The following MALSU1 variants were observed in gnomAD, a reference collection of about 807,000 sequenced individuals.
MALSU1 encodes mitochondrial assembly of ribosomal large subunit protein 1.
Under a neutral mutation model 22.1 loss-of-function variants are expected in MALSU1, and 22 were observed. That is an observed-to-expected ratio of 1.00 (90% confidence interval 0.71 to 1.42). The LOEUF is 1.42. Ranked by LOEUF, MALSU1 falls within the 40% of genes most tolerant of loss-of-function variation. The pLI is 0.00. For synonymous variants in MALSU1, 153 were observed against 118.5 expected, an observed-to-expected ratio of 1.29 and a Z score of -1.89; for missense variants, 379 against 308.3, an observed-to-expected ratio of 1.23 and a Z score of -1.72.
chr7:23,303,705 A>G (rs1220269162), intron 2 of MALSU1, among the ~76,000 whole-genome samples: 1 of 151,302 alleles, frequency 6.6e-6, no homozygotes, highest in Non-Finnish European at 1.5e-5. Flanking sequence ...AGCTACTTGG[A>G]ATGCTGAGGT....
chr7:23,307,520 C>T (rs1783737137), intron 2 of MALSU1, among the ~76,000 whole-genome samples: 1 of 152,082 alleles, frequency 6.6e-6, no homozygotes, highest in Non-Finnish European at 1.5e-5. Context: ...GTATCTGCAG[C>T]CCCTAAAGGT....
Position 23,300,890 on chromosome 7 carries a change from A to T in MALSU1, c.308A>T (p.Gln103Leu), listed in dbSNP as rs752663860. 1.9e-6 allele frequency: 3 copies of T among 1,614,124 alleles called. No homozygotes were observed. Among genetic ancestry groups the T allele is most frequent in the Admixed American group, 3.3e-5 (2 of 60,022 alleles). Residue 103 changes from glutamine (Q) to leucine (L), a missense_variant, in exon 2 of 4, where the codon CAA becomes CTA. Transcript: ENST00000466681. ...DIDMMVSLLR[Q>L]ENARDICVIQ... is the part of the protein sequence containing the mutation. ...GATATGATGGTTTCACTTCTGAGGC[A>T]AGAAAATGCAAGAGACATTTGTGTG... is the stretch of plus-strand genomic sequence containing the variant.
At chr7:23,309,321 A>C (rs368751023) in intron 3 of MALSU1, 35 bp from the exon 4 acceptor site, 1 of 1,559,246 alleles carries the variant, frequency 6.4e-7, no homozygotes, top group East Asian at 2.3e-5. Context: ...CAAATGAACT[A>C]TTCCTTCATT....
At chr7:23,306,176 A>G (rs1260897303) in intron 2 of MALSU1, among the ~76,000 whole-genome samples, 2 of 152,196 alleles carry the variant, frequency 1.3e-5, no homozygotes, top group African/African-American at 4.8e-5. Flanking sequence ...CCTGGGCAAC[A>G]AGAGCGAAAC....
intron 2 of MALSU1, among the ~76,000 whole-genome samples, chr7:23,303,162 C>T (rs1583859006): frequency 6.6e-6 from 1 of 152,144 alleles, no homozygotes; most frequent in Non-Finnish European, 1.5e-5. Flanking sequence ...TTTCATTTTG[C>T]AAAAACGAAA....
chr7:23,301,047 A>G (rs1783638494), intron 2 of MALSU1, 30 bp downstream of exon 2: 6 of 1,585,674 alleles, frequency 3.8e-6, no homozygotes, highest in Non-Finnish European at 5.2e-6. Context: ...CTTTTGGACC[A>G]TTAACTGAGT....
chr7:23,299,680 C>G, intron 1 of MALSU1, 72 bp downstream of exon 1: 2 of 1,473,954 alleles, frequency 1.4e-6, no homozygotes, highest in Non-Finnish European at 1.8e-6. Flanking sequence ...CAAGGTGGCT[C>G]TGGGTTCCCC....
At position 23,299,639 on chromosome 7, in the gene MALSU1, C is replaced by T. The variant is rs370706854; in HGVS notation, c.256+31C>T. 3.2e-6 allele frequency: 5 copies of T among 1,541,994 alleles called. No individual in the cohort carries two copies. The South Asian group carries it at 3.6e-5, about 11-fold the overall frequency. The stretch of plus-strand genomic sequence containing the variant: ...GGCGTGGAGAAGAACGAAGGCGACC[C>T]TCTCCGGGCAGTCTGGAGTCAGGTC... On this transcript the variant is annotated intron_variant, in intron 1 of 3. Coordinates refer to ENST00000466681, the MANE Select transcript of MALSU1 (RefSeq NM_138446.2).
At chr7:23,305,468 C>T (rs1021397907) in intron 2 of MALSU1, among the ~76,000 whole-genome samples, 3 of 151,308 alleles carry the variant, frequency 2.0e-5, no homozygotes, top group Non-Finnish European at 4.4e-5. Flanking sequence ...TCTCGGCTCA[C>T]AGATTCAAGC....
chr7:23,311,711 A>G lies in MALSU1; in HGVS notation c.*2168A>G, dbSNP rs935055161. Reference sequence around the variant, plus strand: ...AAATTTTAAATTTATTTTTTAAAAAACGGTTGGACTTCTATCATTATAAAG... The same window carrying G: ...AAATTTTAAATTTATTTTTTAAAAAGCGGTTGGACTTCTATCATTATAAAG... On this transcript the variant is annotated 3_prime_UTR_variant, in exon 4 of 4. Transcript: ENST00000466681. The G allele has an allele frequency of 6.1e-5, 9 of 147,094 alleles. No individual in the cohort carries two copies. The highest frequency in any genetic ancestry group is 1.2e-4 in the Non-Finnish European group (8 of 64,586). 9.1% of individuals were successfully genotyped at this position (147,094 alleles called of 1,614,324 possible). A position where few individuals can be genotyped will look rare whatever the true frequency, so the allele number is the denominator to read the frequency against.
Position 23,309,694 on chromosome 7 carries a change from C to A in MALSU1, c.*151C>A. 1 of 550,496 alleles carries A rather than the reference C, an allele frequency of 1.8e-6. No homozygotes were observed. Among genetic ancestry groups the A allele is most frequent in the Non-Finnish European group, 3.1e-6 (1 of 324,866 alleles). The allele number at this position is 550,496 out of a possible 1,614,324, so 34.1% of individuals were successfully genotyped here. ...ACTCCTGCTAACTGGCATGCAGAGA[C>A]TGTCGATAAGTGAGCTATACCTGCA... On this transcript the variant is annotated 3_prime_UTR_variant, in exon 4 of 4. Transcript: ENST00000466681.
In MALSU1 at chr7:23,311,451, T is replaced by TC; in HGVS notation, c.*1910dup. On this transcript the variant is annotated 3_prime_UTR_variant, in exon 4 of 4. Transcript: ENST00000466681. ...TCCTGAAGCCATTTAAACCAGCCGT[T>TC]CCAAAATCTCCTGCGACCACTTTGT... 6.5e-6 allele frequency: 1 copy of TC among 152,676 alleles called. No individual in the cohort carries two copies. The allele number at this position is 152,676 out of a possible 1,614,324, so 9.5% of individuals were successfully genotyped here.
At chr7:23,307,774 A>AC (rs1783740268) in intron 2 of MALSU1, 94 bp from the exon 3 acceptor site, 3 of 798,598 alleles carry the variant, frequency 3.8e-6, no homozygotes, top group African/African-American at 3.7e-5. Context: ...AAAGATTAAA[A>AC]AAAACAAACA....
intron 2 of MALSU1, among the ~76,000 whole-genome samples, chr7:23,302,036 C>G (rs1783655537): frequency 6.6e-6 from 1 of 152,066 alleles, no homozygotes. Context: ...GCTCAATAGC[C>G]ACGTGTGGCT....
chr7:23,308,279 G>A (rs1214606354), intron 3 of MALSU1, among the ~76,000 whole-genome samples: 3 of 152,292 alleles, frequency 2.0e-5, no homozygotes, highest in South Asian at 2.1e-4. Context: ...TTCCTTAGTA[G>A]TGGTAGAGGA....
intron 2 of MALSU1, among the ~76,000 whole-genome samples, chr7:23,302,458 C>A (rs1333088220): frequency 6.6e-6 from 1 of 152,124 alleles, no homozygotes; most frequent in African/African-American, 2.4e-5. Context: ...ATACACAAAA[C>A]CCTGGTACAT....
intron 2 of MALSU1, among the ~76,000 whole-genome samples, chr7:23,304,016 G>GA (rs1783692339): frequency 6.6e-6 from 1 of 151,746 alleles, no homozygotes; most frequent in Non-Finnish European, 1.5e-5. Flanking sequence ...TGAGGCACGA[G>GA]AATCGCTTGA....
chr7:23,304,704 C>T (rs527947285), intron 2 of MALSU1, among the ~76,000 whole-genome samples: 47 of 152,192 alleles, frequency 3.1e-4, no homozygotes, highest in African/African-American at 1.1e-3. Flanking sequence ...CTCCACAGTG[C>T]CCAGCTAATT....
Position 23,309,615 on chromosome 7 carries a change from G to A in MALSU1, c.*72G>A, listed in dbSNP as rs1206575987. On this transcript the variant is annotated 3_prime_UTR_variant, in exon 4 of 4. Coordinates refer to ENST00000466681, the MANE Select transcript of MALSU1 (RefSeq NM_138446.2). ...CTTATTGGAAAATACAGCTCCTAAAGTCCGTCTCCTTGGTTAGGCTGCTCT... is the reference window on the plus strand; with the variant it reads ...CTTATTGGAAAATACAGCTCCTAAAATCCGTCTCCTTGGTTAGGCTGCTCT... 7.9e-7 allele frequency: 1 copy of A among 1,261,564 alleles called. No homozygotes were observed. Among genetic ancestry groups the A allele is most frequent in the South Asian group, 1.5e-5 (1 of 66,910 alleles). The allele number at this position is 1,261,564 out of a possible 1,614,324, so 78.1% of individuals were successfully genotyped here.
Sources: allele counts gnomAD v4.1 joint callset (sites outside exome capture counted in the v4.1 genomes callset), GRCh38; gene constraint gnomAD v4.1.1; transcripts MANE v1.5; gene names NCBI Gene and HGNC (gene_info 2026-07-23, HGNC 2026-07-21).